The following F7 variants were observed in gnomAD, a reference collection of about 807,000 sequenced individuals.
F7 encodes coagulation factor VII.
A neutral mutation model predicts 47.5 loss-of-function variants in F7; 38 were observed. The ratio of observed to expected loss-of-function variants is 0.80; its 90% CI spans 0.62 to 1.05. The LOEUF is 1.05. Ranked by LOEUF, F7 falls within the 50% of genes least tolerant of loss-of-function variation. F7 has a pLI of 0.00. For synonymous variants in F7, 244 were observed against 258.5 expected (o/e 0.94, Z 0.54); for missense variants, 575 against 605.4 (o/e 0.95, Z 0.53).
intron 1 of F7, chr13:113,106,764 T>C: frequency 3.6e-6 from 5 of 1,386,362 alleles, no homozygotes; most frequent in Non-Finnish European, 5.0e-6. Flanking sequence ...GGGTGGGCTG[T>C]GAGGGACAGT....
Position 113,117,960 on chromosome 13 carries a change from G to A in F7, c.739+364G>A, listed in dbSNP as rs964390723. 3.3e-5 allele frequency among the ~76,000 whole-genome samples: 5 copies of A among 152,214 alleles called. No homozygotes were observed. In the South Asian group the frequency reaches 6.2e-4, roughly 19 times the overall value. ...CCACTTTCCCATGCCCAAATAAAAC[G>A]ATAAAAGACTGGGGGCTTCTGCCCA... On this transcript the variant is annotated intron_variant, in intron 7 of 7. Transcript: ENST00000346342.
In F7 at chr13:113,110,865, G is replaced by C. The variant is rs747986778; in HGVS notation, c.225+15G>C. 17 of 1,553,054 alleles carry C rather than the reference G, an allele frequency of 1.1e-5. No individual in the cohort carries two copies. The East Asian group carries it at 1.4e-4, about 13-fold the overall frequency. On this transcript the variant is annotated intron_variant, in intron 2 of 7. Transcript: ENST00000346342. ...CGGAGAGGACGGTGAGCCCAGCCTC[G>C]GGGCGCCCCGCGCCGCGGACACTGC...
chr13:113,112,483 ACACT>A (rs1289162018), intron 2 of F7, among the ~76,000 whole-genome samples: 4 of 146,350 alleles, frequency 2.7e-5, no homozygotes, highest in African/African-American at 5.1e-5. Flanking sequence ...GGCACACTTC[ACACT>A]CACAGGTCAC....
intron 1 of F7, among the ~76,000 whole-genome samples, chr13:113,109,809 C>T (rs553092018): frequency 1.1e-4 from 16 of 152,298 alleles, no homozygotes; most frequent in African/African-American, 3.8e-4. Context: ...TCTCCACCAC[C>T]GCGTGGTGCC....
chr13:113,112,198 C>CA (rs1399391856), intron 2 of F7, among the ~76,000 whole-genome samples: 20 of 148,024 alleles, frequency 1.4e-4, no homozygotes, highest in African/African-American at 4.5e-4. Context: ...ACCCACAGGA[C>CA]ACCTCACACA....
In F7 at chr13:113,119,712, C is replaced by A. The variant is rs1189436107; in HGVS notation, c.*704C>A. ...AGATATGCACACACATGGATGAGCA[C>A]ACACACACCAATGCGCACACACACC... On this transcript the variant is annotated 3_prime_UTR_variant, in exon 8 of 8. Transcript: ENST00000346342. The A allele has an allele frequency of 6.5e-6, 1 of 153,558 alleles. No individual in the cohort carries two copies. Among genetic ancestry groups the A allele is most frequent in the Admixed American group, 6.5e-5 (1 of 15,412 alleles). The allele number at this position is 153,558 out of a possible 1,614,324, so 9.5% of individuals were successfully genotyped here. A position where few individuals can be genotyped will look rare whatever the true frequency, so the allele number is the denominator to read the frequency against.
In F7 at chr13:113,120,348, C is replaced by T. The variant is rs902343200; in HGVS notation, c.*1340C>T. ...CAGTGGGAGGACCTGGCAAGCTGCA[C>T]TCTTGCTGAGTCCCCAGGGTGGTGG... is the stretch of plus-strand genomic sequence containing the variant. On this transcript the variant is annotated 3_prime_UTR_variant, in exon 8 of 8. Coordinates refer to ENST00000346342, the MANE Select transcript of F7 (RefSeq NM_019616.4). The T allele has an allele frequency of 6.6e-6, 1 of 152,414 alleles. No homozygotes were observed. The highest frequency in any genetic ancestry group is 2.4e-5 in the African/African-American group (1 of 41,450). 9.4% of individuals were successfully genotyped at this position (152,414 alleles called of 1,614,324 possible).
rs143748941 is a variant in F7, at chr13:113,119,079, T to A, written c.*71T>A. 247 of 1,433,536 alleles carry A rather than the reference T, an allele frequency of 1.7e-4. No homozygotes were observed. In the African/African-American group the frequency reaches 3.3e-3, roughly 19 times the overall value. The allele number at this position is 1,433,536 out of a possible 1,614,324, so 88.8% of individuals were successfully genotyped here. A position where few individuals can be genotyped will look rare whatever the true frequency, so the allele number is the denominator to read the frequency against. ...CTGTCCTGGCACCAAATCCCATATA[T>A]TCTTCTGCAGTTAATGGGGTAGAGG... On this transcript the variant is annotated 3_prime_UTR_variant, in exon 8 of 8. Transcript: ENST00000346342.
In F7 at chr13:113,110,347, CG is replaced by C. The variant is rs144387237; in HGVS notation, c.65-339del. On this transcript the variant is annotated intron_variant, in intron 1 of 7. Transcript: ENST00000346342. ...GGGCCCCAGGGGGTTGCCCGGCACC[CG>C]GGGCCGCGCCGCCTTCTCCTCGCCG... 1,197 of 263,112 alleles carry C rather than the reference CG, an allele frequency of 4.5e-3. 14 individuals carry two copies. The highest frequency in any genetic ancestry group is 0.026 in the African/African-American group (1,118 of 43,552). 16.3% of individuals were successfully genotyped at this position (263,112 alleles called of 1,614,324 possible).
chr13:113,118,186 C>G (rs1423526568), intron 7 of F7, among the ~76,000 whole-genome samples: 2 of 152,332 alleles, frequency 1.3e-5, no homozygotes, highest in East Asian at 3.9e-4. Context: ...CCTTCCCCAC[C>G]TCAACACCCA....
chr13:113,105,981 C>A, intron 1 of F7, 76 bp downstream of exon 1: 1 of 1,354,090 alleles, frequency 7.4e-7, no homozygotes, highest in Non-Finnish European at 1.0e-6. Context: ...CCGGGCTTCC[C>A]AAACCCCGCC....
intron 2 of F7, among the ~76,000 whole-genome samples, chr13:113,111,539 CCT>C (rs2036094832): frequency 5.7e-5 from 2 of 35,256 alleles, no homozygotes; most frequent in African/African-American, 2.2e-4. Flanking sequence ...TCACAGGACA[CCT>C]CACACTCACA....
intron 4 of F7, among the ~76,000 whole-genome samples, 157 bp from the exon 5 acceptor site, chr13:113,115,503 A>G (rs1301380647): frequency 6.6e-6 from 1 of 152,136 alleles, no homozygotes; most frequent in Non-Finnish European, 1.5e-5. Context: ...GGATCAGTCC[A>G]CGGAGCAGGT....
chr13:113,107,327 TGTGGGTGTCCCGGGGGC>T (rs2035984182), intron 1 of F7, among the ~76,000 whole-genome samples: 1 of 58,936 alleles, frequency 1.7e-5, no homozygotes, highest in Non-Finnish European at 3.2e-5. Flanking sequence ...GTCCCGGGAG[TGTGGGTGTCCCGGGGGC>T]GTGGGTGTCC....
At chr13:113,108,675 G>A (rs2036021465) in intron 1 of F7, among the ~76,000 whole-genome samples, 1 of 132,196 alleles carries the variant, frequency 7.6e-6, no homozygotes, top group African/African-American at 3.1e-5. Context: ...CAGAGGCGAG[G>A]GTATCCCAGA....
At chr13:113,115,314 A>G (rs2036174620) in intron 4 of F7, among the ~76,000 whole-genome samples, 1 of 152,028 alleles carries the variant, frequency 6.6e-6, no homozygotes, top group African/African-American at 2.4e-5. Flanking sequence ...GGACACTTTT[A>G]CCATCCCCAT....
chr13:113,118,564 G>A lies in F7; in HGVS notation c.891G>A (p.Val297=). 1 of 1,612,590 alleles carries A rather than the reference G, an allele frequency of 6.2e-7. No homozygotes were observed. Among genetic ancestry groups the A allele is most frequent in the South Asian group, 1.1e-5 (1 of 91,074 alleles). The part of the protein sequence containing the change: ...HQPVVLTDHV[V]PLCLPERTFS... ...CCGTGGTCCTCACTGACCATGTGGT[G>A]CCCCTCTGCCTGCCCGAACGGACGT... The change falls in exon 8 of 8, where the codon GTG becomes GTA. Residue 297 remains valine (V), a synonymous_variant. Coordinates refer to ENST00000346342, the MANE Select transcript of F7 (RefSeq NM_019616.4).
intron 5 of F7, among the ~76,000 whole-genome samples, 191 bp from the exon 6 acceptor site, chr13:113,116,575 G>C (rs557022037): frequency 6.6e-6 from 1 of 152,334 alleles, no homozygotes; most frequent in South Asian, 2.1e-4. Context: ...TCTCATGGCC[G>C]GGCCCCACCA....
chr13:113,110,804 G>T lies in F7; in HGVS notation c.179G>T (p.Cys60Phe), dbSNP rs1448296564. Residue 60 changes from cysteine to phenylalanine, a missense_variant, in exon 2 of 8, where the codon TGC (cysteine) becomes TTC (phenylalanine). Coordinates refer to ENST00000346342, the MANE Select transcript of F7 (RefSeq NM_019616.4). ...SLERECKEEQ[C>F]SFEEAREIFK... The stretch of plus-strand genomic sequence containing the variant: ...GAGAGGGAGTGCAAGGAGGAGCAGT[G>T]CTCCTTCGAGGAGGCCCGGGAGATC... The T allele has an allele frequency of 4.5e-6, 7 of 1,557,414 alleles. No individual in the cohort carries two copies. Among genetic ancestry groups the T allele is most frequent in the Non-Finnish European group, 6.1e-6 (7 of 1,151,334 alleles).
Sources: gnomAD v4.1 joint callset for allele counts (sites outside exome capture counted in the v4.1 genomes callset) on GRCh38, gnomAD v4.1.1 for gene constraint, MANE v1.5 for transcripts, NCBI Gene and HGNC (gene_info 2026-07-23, HGNC 2026-07-21) for gene names.